The following HIPK3 variants were observed in gnomAD, a reference collection of about 807,000 sequenced individuals.
The protein encoded by HIPK3 is homeodomain interacting protein kinase 3, also known as homeodomain-interacting protein kinase 3.
Under a neutral mutation model 124.2 loss-of-function variants are expected in HIPK3, and 47 were observed. The ratio of observed to expected loss-of-function variants is 0.38; its 90% CI spans 0.30 to 0.48. The LOEUF (loss-of-function observed/expected upper bound fraction) is 0.48. Among genes scored for constraint, HIPK3 ranks in the 20% least tolerant of loss-of-function variants. The pLI, the probability that HIPK3 is intolerant of heterozygous loss-of-function variation, is 0.98. For synonymous variants in HIPK3, 482 were observed against 515.2 expected (o/e 0.94, Z 0.87); for missense variants, 1,286 against 1,454.3 (o/e 0.88, Z 1.88).
intron 2 of HIPK3, among the ~76,000 whole-genome samples, chr11:33,307,757 T>TGG (rs753163914): frequency 6.8e-6 from 1 of 147,400 alleles, no homozygotes; most frequent in Non-Finnish European, 1.5e-5. Flanking sequence ...TTCTTGTTGG[T>TGG]GTGTGTGTGT....
chr11:33,339,404 A>G lies in HIPK3; in HGVS notation c.1483A>G (p.Arg495Gly). ...TGATCTTTTGGCTGAGAAAGCTGATAGAAGAGAATTTGTTAGTCTGTTGAA... is the reference window on the plus strand; with the variant it reads ...TGATCTTTTGGCTGAGAAAGCTGATGGAAGAGAATTTGTTAGTCTGTTGAA... Reference protein sequence around the residue: ...GSDLLAEKADRREFVSLLKKM... With the variant: ...GSDLLAEKADGREFVSLLKKM... Residue 495 changes from arginine (R) to glycine (G), a missense_variant, in exon 6 of 17, where the codon AGA (arginine) becomes GGA (glycine). By Grantham distance (125) the Arg-to-Gly change is moderately radical. Transcript: ENST00000303296. The G allele has an allele frequency of 1.9e-6, 3 of 1,613,666 alleles. No homozygotes were observed. The highest frequency in any genetic ancestry group is 2.5e-6 in the Non-Finnish European group (3 of 1,179,656).
chr11:33,286,713 A>T lies in HIPK3; in HGVS notation c.299A>T (p.Gln100Leu), dbSNP rs1654087489. The T allele has an allele frequency of 6.2e-7, 1 of 1,614,130 alleles. No homozygotes were observed. The highest frequency in any genetic ancestry group is 2.2e-5 in the East Asian group (1 of 44,884). ...ACAAAGGTCATAGCAGCTCAGGCACAGCAAGCTCACGTGCAGGCACCTCAG... is the reference window on the plus strand; with the variant it reads ...ACAAAGGTCATAGCAGCTCAGGCACTGCAAGCTCACGTGCAGGCACCTCAG... ...GATKVIAAQA[Q>L]QAHVQAPQIG... Residue 100 changes from glutamine (Q) to leucine (L), a missense_variant, in exon 2 of 17, where the codon CAG becomes CTG. Around this residue, in one of 3 missense-constraint regions of HIPK3, gnomAD observed 225 missense variants for 240.3 expected, o/e 0.94. Coordinates refer to ENST00000303296, the MANE Select transcript of HIPK3 (RefSeq NM_005734.5).
chr11:33,298,317 G>A (rs1437932792), intron 2 of HIPK3, among the ~76,000 whole-genome samples: 2 of 152,212 alleles, frequency 1.3e-5, no homozygotes, highest in Admixed American at 6.5e-5. Context: ...CTACTGCTCA[G>A]AGAAAAATAT....
chr11:33,257,813 C>A lies in HIPK3; in HGVS notation c.-79C>A, dbSNP rs376181419. The A allele has an allele frequency of 1.1e-3, 1,104 of 986,818 alleles. 35 individuals are homozygous for A. In the East Asian group the frequency reaches 0.068, roughly 61 times the overall value. 61.1% of individuals were successfully genotyped at this position (986,818 alleles called of 1,614,324 possible). On this transcript the variant is annotated 5_prime_UTR_variant, in exon 1 of 17. Coordinates refer to ENST00000303296, the MANE Select transcript of HIPK3 (RefSeq NM_005734.5). ...GAAGCGCCTGGCTCCCGGTCCCCGG[C>A]ACGGCCCTGCGCCCCACCCCGGACA...
Position 33,353,245 on chromosome 11 carries a change from A to G in HIPK3, c.3325A>G (p.Asn1109Asp). The G allele has an allele frequency of 6.2e-7, 1 of 1,614,116 alleles. No homozygotes were observed. The highest frequency in any genetic ancestry group is 8.5e-7 in the Non-Finnish European group (1 of 1,180,008). ...AGCAGTGCATGCCCACCTGGCTGGA[A>G]ATACACACCTCGGAGGACAGCCTAC... is the stretch of plus-strand genomic sequence containing the variant. Reference protein sequence around the residue: ...HTAVHAHLAGNTHLGGQPTLL... With the variant: ...HTAVHAHLAGDTHLGGQPTLL... Residue 1109 changes from asparagine to aspartate, a missense_variant, in exon 17 of 17, where the codon AAT becomes GAT. Physicochemically the swap from Asn to Asp is conservative, Grantham distance 23. Around this residue, in one of 3 missense-constraint regions of HIPK3, gnomAD observed 810 missense variants for 864.9 expected, o/e 0.94. Coordinates refer to ENST00000303296, the MANE Select transcript of HIPK3 (RefSeq NM_005734.5).
chr11:33,310,953 C>T (rs1248112793), intron 2 of HIPK3, among the ~76,000 whole-genome samples: 1 of 152,126 alleles, frequency 6.6e-6, no homozygotes, highest in East Asian at 1.9e-4. Flanking sequence ...TGCCAAGGCC[C>T]CTCTTCCTTG....
At chr11:33,343,287 G>C (rs12272087) in intron 8 of HIPK3, among the ~76,000 whole-genome samples, 10,388 of 142,438 alleles carry the variant, frequency 0.073, 753 homozygotes, top group African/African-American at 0.19. Context: ...GTGTGTGTGT[G>C]TGTCTTTTTT....
intron 1 of HIPK3, among the ~76,000 whole-genome samples, chr11:33,269,576 G>A (rs1851066301): frequency 6.6e-6 from 1 of 151,456 alleles, no homozygotes. Flanking sequence ...GAGATCTTAA[G>A]CAACCATCTT....
At chr11:33,305,299 G>A (rs529779971) in intron 2 of HIPK3, among the ~76,000 whole-genome samples, 19 of 152,112 alleles carry the variant, frequency 1.2e-4, no homozygotes, top group East Asian at 5.8e-4. Flanking sequence ...ACCATGCCTG[G>A]CCTTTTTTTA....
intron 2 of HIPK3, among the ~76,000 whole-genome samples, chr11:33,290,903 T>C (rs1851681468): frequency 6.6e-6 from 1 of 152,162 alleles, no homozygotes; most frequent in South Asian, 2.1e-4. Flanking sequence ...AGCTATACAA[T>C]TGCTATGCTA....
chr11:33,302,423 G>A (rs757560335), intron 2 of HIPK3, among the ~76,000 whole-genome samples: 2 of 142,842 alleles, frequency 1.4e-5, no homozygotes, highest in Non-Finnish European at 3.0e-5. Flanking sequence ...TGCAACCTTC[G>A]CCTCCCTGGT....
intron 1 of HIPK3, among the ~76,000 whole-genome samples, chr11:33,281,786 A>G (rs1851419138): frequency 6.6e-6 from 1 of 152,164 alleles, no homozygotes; most frequent in African/African-American, 2.4e-5. Flanking sequence ...TAGCAAGGCA[A>G]ATAAGTTGTT....
intron 4 of HIPK3, among the ~76,000 whole-genome samples, chr11:33,337,824 C>A (rs1853202934): frequency 6.6e-6 from 1 of 151,792 alleles, no homozygotes; most frequent in Non-Finnish European, 1.5e-5. Context: ...CAGGTGCCTG[C>A]CACCATGCCT....
At chr11:33,298,285 AT>A (rs1851898384) in intron 2 of HIPK3, among the ~76,000 whole-genome samples, 1 of 152,194 alleles carries the variant, frequency 6.6e-6, no homozygotes, top group Non-Finnish European at 1.5e-5. Flanking sequence ...TTTACTGAAT[AT>A]TTTAAGCATG....
intron 8 of HIPK3, among the ~76,000 whole-genome samples, chr11:33,341,959 G>A (rs915122974): frequency 6.6e-6 from 1 of 151,894 alleles, no homozygotes; most frequent in African/African-American, 2.4e-5. Context: ...AAATTAGCTG[G>A]GTATGGTGGT....
In HIPK3 at chr11:33,352,131, T is replaced by C; in HGVS notation, c.3044-7T>C. ...CATAAACTCTTTAATATTTTATTCGTCGCCAGATTCTATATGCCAGCCATT... is the reference window on the plus strand; with the variant it reads ...CATAAACTCTTTAATATTTTATTCGCCGCCAGATTCTATATGCCAGCCATT... On this transcript the variant is annotated splice_polypyrimidine_tract_variant and splice_region_variant and intron_variant, in intron 15 of 16. Coordinates refer to ENST00000303296, the MANE Select transcript of HIPK3 (RefSeq NM_005734.5). 1.2e-6 allele frequency: 2 copies of C among 1,611,946 alleles called. No individual in the cohort carries two copies. Among genetic ancestry groups the C allele is most frequent in the Non-Finnish European group, 1.7e-6 (2 of 1,178,478 alleles).
chr11:33,320,984 T>C (rs1852646993), intron 2 of HIPK3, among the ~76,000 whole-genome samples: 1 of 152,008 alleles, frequency 6.6e-6, no homozygotes, highest in African/African-American at 2.4e-5. Flanking sequence ...GATGAGATCA[T>C]GTAAGGGAGG....
At chr11:33,260,821 T>A (rs1017079167) in intron 1 of HIPK3, among the ~76,000 whole-genome samples, 8 of 152,180 alleles carry the variant, frequency 5.3e-5, no homozygotes, top group Middle Eastern at 3.2e-3. Context: ...CTTGATTTAT[T>A]GTTGCCAAAA....
Position 33,353,254 on chromosome 11 carries a change from C to T in HIPK3, c.3334C>T (p.Leu1112Phe), listed in dbSNP as rs373637582. 2 of 1,614,018 alleles carry T rather than the reference C, an allele frequency of 1.2e-6. No individual in the cohort carries two copies. Among genetic ancestry groups the T allele is most frequent in the Non-Finnish European group, 1.7e-6 (2 of 1,180,034 alleles). The part of the protein sequence containing the change: ...VHAHLAGNTH[L>F]GGQPTLLPYP... ...TGCCCACCTGGCTGGAAATACACAC[C>T]TCGGAGGACAGCCTACTCTACTTCC... Residue 1112 changes from leucine to phenylalanine, a missense_variant, in exon 17 of 17, where the codon CTC becomes TTC. Leu to Phe is a conservative substitution (Grantham distance 22). Coordinates refer to ENST00000303296, the MANE Select transcript of HIPK3 (RefSeq NM_005734.5).
Sources: gnomAD v4.1 joint callset for allele counts (sites outside exome capture counted in the v4.1 genomes callset) on GRCh38, gnomAD v4.1.1 for gene constraint, gnomAD v4.1.1 regional missense constraint, MANE v1.5 for transcripts, NCBI Gene and HGNC (gene_info 2026-07-23, HGNC 2026-07-21) for gene names.